Variants in DYNC2H1 observed in about 807,000 individuals in gnomAD.
DYNC2H1 encodes the protein cytoplasmic dynein 2 heavy chain 1.
A neutral mutation model predicts 570.0 loss-of-function variants in DYNC2H1; 410 were observed. That is an observed-to-expected ratio of 0.72 (90% confidence interval 0.66 to 0.78). The LOEUF (loss-of-function observed/expected upper bound fraction) is 0.78, where lower values mean the gene tolerates loss of function less well. Ranked by LOEUF, DYNC2H1 falls within the 30% of genes least tolerant of loss-of-function variation. The pLI is 0.00. For missense variants in DYNC2H1, 4,865 were observed against 5,046.4 expected, an observed-to-expected ratio of 0.96 and a Z score of 1.09; for synonymous variants, 1,688 against 1,677.6, an observed-to-expected ratio of 1.01 and a Z score of -0.15.
Position 103,155,311 on chromosome 11 carries a change from C to CTTT in DYNC2H1, c.3574-10_3574-8dup. 2 of 1,285,846 alleles carry CTTT rather than the reference C, an allele frequency of 1.6e-6. No homozygotes were observed. The highest frequency in any genetic ancestry group is 2.7e-5 in the East Asian group (1 of 36,958). The allele number at this position is 1,285,846 out of a possible 1,614,324, so 79.7% of individuals were successfully genotyped here. ...TATATGTGTATACATATGACTTTTT[C>CTTT]TTTTTTTTTTTTGTAACAGATCGTA... On this transcript the variant is annotated intron_variant, in intron 24 of 88. Coordinates refer to ENST00000375735, the MANE Select transcript of DYNC2H1 (RefSeq NM_001377.3).
chr11:103,393,489 T>C (rs1942260452), intron 83 of DYNC2H1, among the ~76,000 whole-genome samples: 1 of 152,230 alleles, frequency 6.6e-6, no homozygotes, highest in Non-Finnish European at 1.5e-5. Flanking sequence ...CAAAAATTAT[T>C]TGCTTTAAAA....
chr11:103,126,264 TTTTTAGGGG>T (rs1224768152), intron 12 of DYNC2H1, among the ~76,000 whole-genome samples: 1 of 152,200 alleles, frequency 6.6e-6, no homozygotes, highest in African/African-American at 2.4e-5. Context: ...ATCAATTCTT[TTTTTAGGGG>T]GCTGTGCTTT....
At chr11:103,468,071 A>T (rs1945251002) in intron 87 of DYNC2H1, among the ~76,000 whole-genome samples, 2 of 152,196 alleles carry the variant, frequency 1.3e-5, no homozygotes, top group African/African-American at 4.8e-5. Flanking sequence ...CATTTTCAGG[A>T]TTTCTTATAT....
At chr11:103,306,175 A>C (rs1867276673) in intron 77 of DYNC2H1, among the ~76,000 whole-genome samples, 1 of 152,288 alleles carries the variant, frequency 6.6e-6, no homozygotes, top group Non-Finnish European at 1.5e-5. Context: ...AGCTTCCCAA[A>C]GTGCTGGGAT....
chr11:103,443,448 A>G (rs886441825), intron 85 of DYNC2H1, among the ~76,000 whole-genome samples: 9 of 152,004 alleles, frequency 5.9e-5, no homozygotes, highest in African/African-American at 2.2e-4. Context: ...TCTGTTATAC[A>G]TAATATTGAA....
intron 52 of DYNC2H1, among the ~76,000 whole-genome samples, chr11:103,207,044 C>T (rs1323576731): frequency 6.6e-6 from 1 of 151,996 alleles, no homozygotes; most frequent in African/African-American, 2.4e-5. Flanking sequence ...GCCTCAGCCT[C>T]TCGAGTAGCT....
rs191136684 is a variant in DYNC2H1, at chr11:103,422,434, T to C, written c.12367-13509T>C. Among the ~76,000 whole-genome samples, 467 of 152,140 alleles carry C rather than the reference T, an allele frequency of 3.1e-3. 5 individuals are homozygous for C. Among genetic ancestry groups the C allele is most frequent in the African/African-American group, 0.01 (432 of 41,514 alleles). On this transcript the variant is annotated intron_variant, in intron 84 of 88. Transcript: ENST00000375735. ...TCCTTGATGAACATCCATGTAAAAA[T>C]TCTCAATAAAATACTGGCAAACCAA...
At chr11:103,436,088 A>G in intron 85 of DYNC2H1, 56 bp downstream of exon 85, 1 of 1,475,712 alleles carries the variant, frequency 6.8e-7, no homozygotes, top group Non-Finnish European at 9.4e-7. Context: ...ATTGTATTAT[A>G]GAGATAACCA....
At chr11:103,456,790 A>G (rs1944804482) in intron 87 of DYNC2H1, among the ~76,000 whole-genome samples, 1 of 152,218 alleles carries the variant, frequency 6.6e-6, no homozygotes, top group South Asian at 2.1e-4. Flanking sequence ...TTTGGTCCAC[A>G]TGGGTGGCCA....
intron 58 of DYNC2H1, 85 bp from the exon 59 acceptor site, chr11:103,222,880 T>C: frequency 6.5e-7 from 1 of 1,546,412 alleles, no homozygotes; most frequent in Non-Finnish European, 8.8e-7. Context: ...AGTTAATAAG[T>C]GCCCAAATAA....
In DYNC2H1 at chr11:103,223,093, G is replaced by A. The variant is rs78309870; in HGVS notation, c.9353+7G>A. 8,572 of 1,593,974 alleles carry A rather than the reference G, an allele frequency of 5.4e-3. 332 individuals carry two copies. In the African/African-American group the frequency reaches 0.091, roughly 17 times the overall value. On this transcript the variant is annotated splice_region_variant and intron_variant, in intron 59 of 88. Coordinates refer to ENST00000375735, the MANE Select transcript of DYNC2H1 (RefSeq NM_001377.3). ...AACAGGCAGGATTAGAATCGTAAGTGAAATATAAAATATAAACAATTCTAA... is the reference window on the plus strand; with the variant it reads ...AACAGGCAGGATTAGAATCGTAAGTAAAATATAAAATATAAACAATTCTAA...
chr11:103,303,292 T>C, intron 76 of DYNC2H1, 39 bp downstream of exon 76: 4 of 1,588,008 alleles, frequency 2.5e-6, no homozygotes, highest in Non-Finnish European at 3.4e-6. Context: ...TTTTTGCTAT[T>C]GCTGTTCCCA....
chr11:103,212,364 G>T (rs570969835), intron 54 of DYNC2H1, among the ~76,000 whole-genome samples: 2 of 151,732 alleles, frequency 1.3e-5, no homozygotes, highest in South Asian at 2.1e-4. Context: ...CCTGGTGATG[G>T]GTGCACCAGT....
Position 103,239,622 on chromosome 11 carries a change from G to A in DYNC2H1, c.9819+3083G>A, listed in dbSNP as rs1018558024. On this transcript the variant is annotated intron_variant, in intron 63 of 88. Transcript: ENST00000375735. The surrounding 1 kb of genome is among the most constrained non-coding windows in gnomAD (Gnocchi z 4.3). ...TTCAAACCCAGGCCACCTAGCTCCT[G>A]TCTATACACTTCTCATAGGAGTGTG... Among the ~76,000 whole-genome samples, 2 of 151,114 alleles carry A rather than the reference G, an allele frequency of 1.3e-5. No individual in the cohort carries two copies. The highest frequency in any genetic ancestry group is 4.9e-5 in the African/African-American group (2 of 41,016).
chr11:103,371,443 A>G (rs533480312), intron 83 of DYNC2H1, among the ~76,000 whole-genome samples: 2 of 152,198 alleles, frequency 1.3e-5, no homozygotes, highest in Non-Finnish European at 2.9e-5. Flanking sequence ...CAATATTCAC[A>G]TACAAGAAGG....
chr11:103,317,530 A>T (rs745499225), intron 80 of DYNC2H1, among the ~76,000 whole-genome samples: 20 of 152,174 alleles, frequency 1.3e-4, no homozygotes, highest in African/African-American at 1.9e-4. Flanking sequence ...AACATTCTTC[A>T]TACCATAAAC....
intron 73 of DYNC2H1, among the ~76,000 whole-genome samples, chr11:103,286,039 A>G (rs752770229): frequency 6.6e-6 from 1 of 152,234 alleles, no homozygotes; most frequent in Non-Finnish European, 1.5e-5. Context: ...GTACTGATTT[A>G]GTACTACTTT....
At position 103,120,955 on chromosome 11, in the gene DYNC2H1, T is replaced by A. The variant is rs1234409018; in HGVS notation, c.1279T>A (p.Leu427Met). 1 of 1,561,304 alleles carries A rather than the reference T, an allele frequency of 6.4e-7. No individual in the cohort carries two copies. The highest frequency in any genetic ancestry group is 2.3e-5 in the East Asian group (1 of 43,072). The part of the protein sequence containing the change: ...LLQAFLKYKE[L>M]VKRPTISKEL... ...TCAAGCATTCCTGAAATATAAAGAG[T>A]TGGTAAAGCGTCCAACTATAAGCAA... The change falls in exon 9 of 89, where the codon TTG (leucine) becomes ATG (methionine). Residue 427 changes from leucine (L) to methionine (M), a missense_variant. Transcript: ENST00000375735.
At position 103,325,128 on chromosome 11, in the gene DYNC2H1, T is replaced by C. The variant is rs1294674293; in HGVS notation, c.12039+1138T>C. On this transcript the variant is annotated intron_variant, in intron 82 of 88. Coordinates refer to ENST00000375735, the MANE Select transcript of DYNC2H1 (RefSeq NM_001377.3). The surrounding 1 kb of genome is among the most constrained non-coding windows in gnomAD (Gnocchi z 4.8). ...TGGACATTGGACCTTTGTTGAGTAC[T>C]TAGTTTGCAAACATTTTCTCCTATT... 6.6e-6 allele frequency among the ~76,000 whole-genome samples: 1 copy of C among 152,206 alleles called. No individual in the cohort carries two copies. The highest frequency in any genetic ancestry group is 1.5e-5 in the Non-Finnish European group (1 of 68,006).
Sources: gnomAD v4.1 joint callset for allele counts (sites outside exome capture counted in the v4.1 genomes callset) on GRCh38, gnomAD v4.1.1 for gene constraint, Gnocchi (gnomAD v3.1) non-coding constraint, MANE v1.5 for transcripts, NCBI Gene and HGNC (gene_info 2026-07-23, HGNC 2026-07-21) for gene names.